The following SLCO5A1 variants were observed in gnomAD, a reference collection of about 807,000 sequenced individuals.
SLCO5A1 encodes organic anion transporter polypeptide-related protein 4.
A neutral mutation model predicts 65.1 loss-of-function variants in SLCO5A1; 39 were observed. The observed-to-expected ratio is 0.60, with a 90% CI of 0.46 to 0.78. The LOEUF is 0.78. Ranked by LOEUF, SLCO5A1 falls within the 30% of genes least tolerant of loss-of-function variation. The pLI is 0.00. For missense variants in SLCO5A1, 1,029 were observed against 1,069.4 expected (o/e 0.96, Z 0.53); for synonymous variants, 438 against 415.7 (o/e 1.05, Z -0.65).
intron 5 of SLCO5A1, among the ~76,000 whole-genome samples, chr8:69,721,198 A>G (rs759790225): frequency 6.6e-6 from 1 of 152,200 alleles, no homozygotes; most frequent in Non-Finnish European, 1.5e-5. Flanking sequence ...ACTTTGGACT[A>G]TGAGGACAGG....
chr8:69,680,071 G>A (rs1385822546), intron 7 of SLCO5A1, among the ~76,000 whole-genome samples: 5 of 152,206 alleles, frequency 3.3e-5, no homozygotes, highest in Admixed American at 6.5e-5. Flanking sequence ...AGAATTTATA[G>A]TGCAATCGTG....
At position 69,828,600 on chromosome 8, in the gene SLCO5A1, C is replaced by CA. The variant is rs1210951884; in HGVS notation, c.907+3166dup. 4.8e-3 allele frequency among the ~76,000 whole-genome samples: 619 copies of CA among 128,518 alleles called. 4 individuals carry two copies. Among genetic ancestry groups the CA allele is most frequent in the African/African-American group, 0.014 (477 of 34,804 alleles). The allele number at this position is 128,518 out of a possible 152,430, so 84.3% of individuals were successfully genotyped here. On this transcript the variant is annotated intron_variant, in intron 2 of 9. Coordinates refer to ENST00000260126, the MANE Select transcript of SLCO5A1 (RefSeq NM_030958.3). Reference sequence around the variant, plus strand: ...CTGGGCGACAGAGCGAGACTCGTCTCAAAAAAAAAAAGAAAAGAAAAGAAA... The same window carrying CA: ...CTGGGCGACAGAGCGAGACTCGTCTCAAAAAAAAAAAAGAAAAGAAAAGAAA...
At chr8:69,805,510 C>T (rs1819955199) in intron 2 of SLCO5A1, among the ~76,000 whole-genome samples, 1 of 152,104 alleles carries the variant, frequency 6.6e-6, no homozygotes, top group African/African-American at 2.4e-5. Flanking sequence ...GTACACAAAG[C>T]ATATTAAAGT....
At chr8:69,714,084 T>A (rs945291562) in intron 5 of SLCO5A1, among the ~76,000 whole-genome samples, 1 of 152,216 alleles carries the variant, frequency 6.6e-6, no homozygotes, top group Non-Finnish European at 1.5e-5. Flanking sequence ...TATAAATGAC[T>A]CCACAAAGTT....
Position 69,674,611 on chromosome 8 carries a change from C to T in SLCO5A1, c.2090-1285G>A, listed in dbSNP as rs568352719. Among the ~76,000 whole-genome samples, 4 of 152,182 alleles carry T rather than the reference C, an allele frequency of 2.6e-5. No individual in the cohort carries two copies. The East Asian group carries it at 5.8e-4, about 22-fold the overall frequency. On this transcript the variant is annotated intron_variant, in intron 9 of 9. Transcript: ENST00000260126. ...AAATAATAAATGTCTGAAATGTTCT[C>T]CCTCCACTTATTCTTGATGCTGTAG...
intron 2 of SLCO5A1, among the ~76,000 whole-genome samples, chr8:69,826,034 A>T (rs1390918945): frequency 3.3e-5 from 5 of 152,254 alleles, no homozygotes; most frequent in African/African-American, 1.2e-4. Context: ...TGGGGAAAGG[A>T]TTCCCTATTT....
intron 2 of SLCO5A1, among the ~76,000 whole-genome samples, chr8:69,804,787 A>G (rs2130906322): frequency 6.6e-6 from 1 of 152,288 alleles, no homozygotes; most frequent in East Asian, 1.9e-4. Context: ...AGAGGTGAAC[A>G]TGGGAATTGT....
chr8:69,730,847 T>C (rs1816305170), intron 5 of SLCO5A1, among the ~76,000 whole-genome samples: 1 of 152,130 alleles, frequency 6.6e-6, no homozygotes, highest in South Asian at 2.1e-4. Context: ...CCTGGAGAGC[T>C]CGGCTGTTGA....
chr8:69,804,182 A>C (rs1036110261), intron 2 of SLCO5A1, among the ~76,000 whole-genome samples: 2 of 152,218 alleles, frequency 1.3e-5, no homozygotes, highest in African/African-American at 4.8e-5. Context: ...CTGAGACTAG[A>C]CATTAGAATT....
chr8:69,732,598 C>T (rs1242728114), intron 5 of SLCO5A1, among the ~76,000 whole-genome samples: 1 of 152,140 alleles, frequency 6.6e-6, no homozygotes, highest in Non-Finnish European at 1.5e-5. Context: ...CAGTGGCTCA[C>T]ATCTGTAATC....
rs772057580 is a variant in SLCO5A1, at chr8:69,831,980, G to C, written c.694C>G (p.Pro232Ala). Residue 232 changes from proline (P) to alanine (A), a missense_variant, in exon 2 of 10, where the codon CCC becomes GCC. Physicochemically the swap from Pro to Ala is conservative, Grantham distance 27. Transcript: ENST00000260126. ...YQIQELNASA[P>A]NDGLCQGGNS... ...CCACCCTGACACAGGCCGTCGTTGG[G>C]GGCCGAGGCGTTCAACTCTTGGATC... 3.1e-6 allele frequency: 5 copies of C among 1,593,570 alleles called. No individual in the cohort carries two copies. In the Admixed American group the frequency reaches 7.0e-5, roughly 22 times the overall value.
intron 5 of SLCO5A1, among the ~76,000 whole-genome samples, chr8:69,712,386 T>A (rs1303440278): frequency 2.0e-5 from 3 of 152,230 alleles, no homozygotes; most frequent in Non-Finnish European, 4.4e-5. Context: ...TAATATTTAT[T>A]TAATTACCAA....
chr8:69,753,043 AT>A (rs1817385921), intron 4 of SLCO5A1, among the ~76,000 whole-genome samples: 1 of 152,224 alleles, frequency 6.6e-6, no homozygotes, highest in South Asian at 2.1e-4. Flanking sequence ...TATACATTCA[AT>A]TTCCAAAAAT....
chr8:69,679,895 T>G (rs1160235717), intron 7 of SLCO5A1, among the ~76,000 whole-genome samples: 1 of 152,232 alleles, frequency 6.6e-6, no homozygotes. Context: ...AGGCTCATTT[T>G]TGTCATCATT....
At chr8:69,681,984 T>A (rs1041152407) in intron 7 of SLCO5A1, among the ~76,000 whole-genome samples, 200 bp downstream of exon 7, 1 of 152,158 alleles carries the variant, frequency 6.6e-6, no homozygotes, top group Non-Finnish European at 1.5e-5. Flanking sequence ...TGCACCCAAA[T>A]GTTCCAGTCA....
intron 7 of SLCO5A1, 46 bp from the exon 8 acceptor site, chr8:69,679,665 A>G (rs1427368051): frequency 5.3e-5 from 85 of 1,596,224 alleles, no homozygotes; most frequent in Non-Finnish European, 7.2e-5. Context: ...TCAAAAGCTA[A>G]CTGTGGCATA....
chr8:69,679,584 A>G lies in SLCO5A1; in HGVS notation c.1818T>C (p.Ser606=). Residue 606 remains serine (S), a synonymous_variant, in exon 8 of 10, where the codon AGT becomes AGC. Transcript: ENST00000260126. Reference sequence around the variant, plus strand: ...CGGTGGGTGGAGTGATCACTTGGCGACTTTGGACACAGGTGCATTCTGTAT... The same window carrying G: ...CGGTGGGTGGAGTGATCACTTGGCGGCTTTGGACACAGGTGCATTCTGTAT... The part of the protein sequence containing the change: ...RNYTECTCVQ[S]RQVITPPTVG... The G allele has an allele frequency of 6.2e-7, 1 of 1,614,208 alleles. No homozygotes were observed. The highest frequency in any genetic ancestry group is 8.5e-7 in the Non-Finnish European group (1 of 1,180,050).
chr8:69,832,246 A>G lies in SLCO5A1; in HGVS notation c.428T>C (p.Leu143Ser). 1 of 1,614,168 alleles carries G rather than the reference A, an allele frequency of 6.2e-7. No individual in the cohort carries two copies. Among genetic ancestry groups the G allele is most frequent in the Non-Finnish European group, 8.5e-7 (1 of 1,180,016 alleles). The change falls in exon 2 of 10, where the codon TTA becomes TCA. Residue 143 changes from leucine (L) to serine (S), a missense_variant. Coordinates refer to ENST00000260126, the MANE Select transcript of SLCO5A1 (RefSeq NM_030958.3). This position sits in a 1 kb window ranked among gnomAD's most constrained non-coding sequence, Gnocchi z 4.5. ...GCTGCTCAGGTACCCAGAGACCATT[A>G]ACGCCTGGATGAAGGTCAGAAAGCA... ...CMCFLTFIQA[L>S]MVSGYLSSVI...
intron 3 of SLCO5A1, among the ~76,000 whole-genome samples, chr8:69,759,301 C>T (rs1817658605): frequency 6.6e-6 from 1 of 152,108 alleles, no homozygotes; most frequent in African/African-American, 2.4e-5. Flanking sequence ...TTTAAATAGA[C>T]CCTCATTATA....
Sources: allele counts gnomAD v4.1 joint callset (sites outside exome capture counted in the v4.1 genomes callset), GRCh38; gene constraint gnomAD v4.1.1; non-coding constraint Gnocchi (gnomAD v3.1); transcripts MANE v1.5; gene names NCBI Gene and HGNC (gene_info 2026-07-23, HGNC 2026-07-21).